Variants in UHRF2 observed in about 807,000 individuals in gnomAD.
UHRF2 encodes the protein ubiquitin like with PHD and ring finger domains 2.
In UHRF2, 23 loss-of-function variants were observed where a neutral mutation model predicts 96.8. The ratio of observed to expected loss-of-function variants is 0.24; its 90% CI spans 0.17 to 0.34. The LOEUF (loss-of-function observed/expected upper bound fraction) is 0.34. Ranked by LOEUF, UHRF2 falls within the 10% of genes least tolerant of loss-of-function variation. The pLI is 1.00. For synonymous variants in UHRF2, 385 were observed against 332.6 expected, an observed-to-expected ratio of 1.16 and a Z score of -1.72; for missense variants, 685 against 981.5, an observed-to-expected ratio of 0.70 and a Z score of 4.04.
intron 8 of UHRF2, among the ~76,000 whole-genome samples, chr9:6,484,234 T>G (rs1367470218): frequency 6.6e-6 from 1 of 151,850 alleles, no homozygotes; most frequent in African/African-American, 2.4e-5. Context: ...CCTGGCTGTG[T>G]TTTTGTTTTG....
chr9:6,484,425 C>T (rs1347536076), intron 8 of UHRF2, among the ~76,000 whole-genome samples: 4 of 148,066 alleles, frequency 2.7e-5, no homozygotes, highest in Admixed American at 6.7e-5. Flanking sequence ...CTCCCTCCTC[C>T]CTCCTGTCTC....
At chr9:6,485,549 C>G (rs2130922935) in intron 8 of UHRF2, among the ~76,000 whole-genome samples, 1 of 151,874 alleles carries the variant, frequency 6.6e-6, no homozygotes. Flanking sequence ...CAAAACCTTT[C>G]CAGGTTCTGT....
intron 3 of UHRF2, among the ~76,000 whole-genome samples, chr9:6,457,447 T>A (rs1302041735): frequency 6.6e-6 from 1 of 152,224 alleles, no homozygotes; most frequent in African/African-American, 2.4e-5. Flanking sequence ...TCATGTCATC[T>A]ACAAACAGGG....
rs1341541121 is a variant in UHRF2, at chr9:6,435,370, C to T, written c.644+1197C>T. Among the ~76,000 whole-genome samples the T allele has an allele frequency of 2.6e-5, 4 of 152,320 alleles. No individual in the cohort carries two copies. In the East Asian group the frequency reaches 5.8e-4, roughly 22 times the overall value. ...TGAACTCCTGGGCTCAAGTGATCCT[C>T]CCACCTCAGCCTTCCTGAGTGCTGG... On this transcript the variant is annotated intron_variant, in intron 3 of 15. Coordinates refer to ENST00000276893, the MANE Select transcript of UHRF2 (RefSeq NM_152896.3).
At chr9:6,459,479 G>A (rs752253442) in intron 3 of UHRF2, among the ~76,000 whole-genome samples, 1 of 152,054 alleles carries the variant, frequency 6.6e-6, no homozygotes, top group African/African-American at 2.4e-5. Context: ...GACCAGCCTG[G>A]CCAACATGGC....
chr9:6,498,004 A>G lies in UHRF2; in HGVS notation c.1768-14A>G. ...TTTTAAATCTCAAACTGGCACTGAA[A>G]TATTGTGATTTAGGTGGTGAAATAC... On this transcript the variant is annotated splice_polypyrimidine_tract_variant and intron_variant, in intron 11 of 15. Transcript: ENST00000276893. 1 of 1,611,112 alleles carries G rather than the reference A, an allele frequency of 6.2e-7. No individual in the cohort carries two copies. Among genetic ancestry groups the G allele is most frequent in the African/African-American group, 1.3e-5 (1 of 74,888 alleles).
At chr9:6,452,191 A>G (rs1490214348) in intron 3 of UHRF2, among the ~76,000 whole-genome samples, 1 of 152,060 alleles carries the variant, frequency 6.6e-6, no homozygotes, top group African/African-American at 2.4e-5. Flanking sequence ...TGTTATCTTA[A>G]GGGTTTCTGT....
intron 7 of UHRF2, 21 bp from the exon 8 acceptor site, chr9:6,481,971 C>A (rs772396676): frequency 6.2e-7 from 1 of 1,605,396 alleles, no homozygotes; most frequent in Non-Finnish European, 8.5e-7. Flanking sequence ...GATTTCTCAA[C>A]GTTTGTTTTG....
intron 4 of UHRF2, among the ~76,000 whole-genome samples, chr9:6,466,148 C>G (rs1009188094): frequency 1.3e-5 from 2 of 152,138 alleles, no homozygotes; most frequent in African/African-American, 2.4e-5. Flanking sequence ...TGCCTGTAAT[C>G]CTAGCACTTT....
At chr9:6,503,684 G>C (rs1351708020) in intron 14 of UHRF2, among the ~76,000 whole-genome samples, 1 of 151,904 alleles carries the variant, frequency 6.6e-6, no homozygotes, top group Non-Finnish European at 1.5e-5. Context: ...AAATATTCAA[G>C]TTTTATAACA....
chr9:6,492,783 T>C (rs1264717242), intron 9 of UHRF2: 1 of 151,154 alleles, frequency 6.6e-6, no homozygotes, highest in Non-Finnish European at 1.5e-5. Context: ...GAGACAATAA[T>C]ATCCATATAA....
chr9:6,435,182 T>C (rs962785067), intron 3 of UHRF2, among the ~76,000 whole-genome samples: 9 of 151,966 alleles, frequency 5.9e-5, no homozygotes, highest in Non-Finnish European at 1.0e-4. Context: ...TTACTAGATA[T>C]GGGGTTTCAC....
chr9:6,414,247 G>C (rs1044494457), intron 1 of UHRF2: 5 of 152,254 alleles, frequency 3.3e-5, no homozygotes, highest in Non-Finnish European at 5.9e-5. Flanking sequence ...TCCTAGGTTT[G>C]GAATGTCTCG....
chr9:6,416,587 G>A (rs1243454936), intron 1 of UHRF2, among the ~76,000 whole-genome samples: 1 of 141,448 alleles, frequency 7.1e-6, no homozygotes, highest in Non-Finnish European at 1.5e-5. Context: ...CTGTCGCCCA[G>A]GCGGGAGTGC....
At chr9:6,413,939 G>A (rs928490500) in intron 1 of UHRF2, 13 of 251,402 alleles carry the variant, frequency 5.2e-5, no homozygotes, top group Admixed American at 2.2e-4. Flanking sequence ...GGCACTGGGT[G>A]CCCAGGTCCC....
intron 3 of UHRF2, among the ~76,000 whole-genome samples, chr9:6,460,048 A>G (rs1051895110): frequency 6.6e-6 from 1 of 152,214 alleles, no homozygotes; most frequent in Non-Finnish European, 1.5e-5. Flanking sequence ...CCAGTCCCCT[A>G]CTTTCCCAGC....
intron 14 of UHRF2, among the ~76,000 whole-genome samples, chr9:6,502,378 C>G (rs949881552): frequency 6.6e-6 from 1 of 152,190 alleles, no homozygotes; most frequent in African/African-American, 2.4e-5. Flanking sequence ...TCTTTCATAT[C>G]CTTTAAGTCT....
chr9:6,458,195 C>G (rs993796904), intron 3 of UHRF2, among the ~76,000 whole-genome samples: 4 of 152,072 alleles, frequency 2.6e-5, no homozygotes, highest in Admixed American at 1.3e-4. Context: ...TGTTATTGGT[C>G]TATTTAGGGA....
intron 15 of UHRF2, among the ~76,000 whole-genome samples, chr9:6,505,423 G>C (rs1816532592): frequency 6.6e-6 from 1 of 152,104 alleles, no homozygotes; most frequent in African/African-American, 2.4e-5. Context: ...AGCCTGTGGA[G>C]TAGCTGGGAG....
Sources: gnomAD v4.1 joint callset for allele counts (sites outside exome capture counted in the v4.1 genomes callset) on GRCh38, gnomAD v4.1.1 for gene constraint, MANE v1.5 for transcripts, NCBI Gene and HGNC (gene_info 2026-07-23, HGNC 2026-07-21) for gene names.